POU2F1: variants seen among roughly 807,000 people sequenced by gnomAD.
The protein encoded by POU2F1 is POU class 2 homeobox 1.
A neutral mutation model predicts 84.9 loss-of-function variants in POU2F1; 16 were observed. That is an observed-to-expected ratio of 0.19 (90% CI 0.13 to 0.29). The LOEUF (loss-of-function observed/expected upper bound fraction) is 0.29, where lower values mean the gene tolerates loss of function less well. POU2F1 is among the 10% of genes least tolerant of loss of function. The probability of loss-of-function intolerance (pLI) is 1.00; values close to 1 mark genes in which losing one functional copy is unlikely to be tolerated. For missense variants in POU2F1, 738 were observed against 942.6 expected, an observed-to-expected ratio of 0.78 and a Z score of 2.84; for synonymous variants, 368 against 368.3, an observed-to-expected ratio of 1.00 and a Z score of 0.01.
chr1:167,410,081 A>C (rs1649849713), intron 13 of POU2F1, among the ~76,000 whole-genome samples: 1 of 152,238 alleles, frequency 6.6e-6, no homozygotes, highest in Non-Finnish European at 1.5e-5. Flanking sequence ...CCAAAGAAGT[A>C]ATGAACGAAA....
At chr1:167,272,493 T>TGTA (rs1652443159) in intron 1 of POU2F1, among the ~76,000 whole-genome samples, 1 of 152,034 alleles carries the variant, frequency 6.6e-6, no homozygotes. Context: ...GAGGTTTAAT[T>TGTA]GGCTCACAGT....
chr1:167,249,541 G>A (rs1253936896), intron 1 of POU2F1, among the ~76,000 whole-genome samples: 2 of 152,160 alleles, frequency 1.3e-5, no homozygotes, highest in Non-Finnish European at 2.9e-5. Flanking sequence ...GCAAGGGAGT[G>A]GAAAGTCTTG....
chr1:167,353,417 T>A (rs527386691), intron 2 of POU2F1, among the ~76,000 whole-genome samples: 27 of 152,174 alleles, frequency 1.8e-4, no homozygotes, highest in Admixed American at 1.2e-3. Flanking sequence ...TTATTTGAAT[T>A]GTCTTCTCGT....
chr1:167,252,341 G>T (rs1413461065), intron 1 of POU2F1, among the ~76,000 whole-genome samples: 1 of 152,164 alleles, frequency 6.6e-6, no homozygotes, highest in Non-Finnish European at 1.5e-5. Context: ...GACCAACAGA[G>T]AGTATATTTG....
At chr1:167,265,326 A>G (rs900139261) in intron 1 of POU2F1, among the ~76,000 whole-genome samples, 8 of 152,242 alleles carry the variant, frequency 5.3e-5, no homozygotes, top group African/African-American at 1.7e-4. Flanking sequence ...TTAACAGGAC[A>G]GTTCACAATG....
At chr1:167,247,560 T>C (rs933992737) in intron 1 of POU2F1, among the ~76,000 whole-genome samples, 3 of 152,210 alleles carry the variant, frequency 2.0e-5, no homozygotes, top group Non-Finnish European at 2.9e-5. Flanking sequence ...TTGAGCTATA[T>C]AGTACTTACT....
intron 1 of POU2F1, among the ~76,000 whole-genome samples, chr1:167,299,694 A>AG (rs562622852): frequency 3.9e-5 from 5 of 128,666 alleles, no homozygotes; most frequent in Middle Eastern, 3.8e-3. Context: ...AGGAGACCAG[A>AG]GTTTTTTTTT....
intron 1 of POU2F1, among the ~76,000 whole-genome samples, chr1:167,255,995 T>A (rs1185757757): frequency 6.6e-6 from 1 of 152,174 alleles, no homozygotes; most frequent in African/African-American, 2.4e-5. Context: ...AGTCCGTGCT[T>A]ACGGGGTGGT....
In POU2F1 at chr1:167,415,581, C is replaced by G; in HGVS notation, c.2072C>G (p.Pro691Arg). The G allele has an allele frequency of 2.5e-6, 4 of 1,614,128 alleles. No individual in the cohort carries two copies. The highest frequency in any genetic ancestry group is 3.4e-6 in the Non-Finnish European group (4 of 1,180,014). ...GTATTTGCCAATGCGGGAGGAGCCC[C>G]CAACATCGTGACTGCCCCTCTGTTC... ...NLVFANAGGAPNIVTAPLFLN... is the reference protein window; with the variant it reads ...NLVFANAGGARNIVTAPLFLN... The change falls in exon 16 of 16, where the codon CCC becomes CGC. Residue 691 changes from proline to arginine, a missense_variant. Physicochemically the swap from Pro to Arg is moderately radical, Grantham distance 103 (BLOSUM62 -2). This residue lies in a region of POU2F1 where 319 missense variants were observed against 386.0 expected (regional missense o/e 0.83). Transcript: ENST00000367866.
chr1:167,241,321 A>G (rs1481268231), intron 1 of POU2F1: 2 of 152,182 alleles, frequency 1.3e-5, no homozygotes, highest in African/African-American at 4.8e-5. Flanking sequence ...AGAGGTCTGT[A>G]GAATCTGTTT....
At chr1:167,228,415 C>T (rs1343210920) in intron 1 of POU2F1, among the ~76,000 whole-genome samples, 2 of 152,122 alleles carry the variant, frequency 1.3e-5, no homozygotes, top group Admixed American at 1.3e-4. Flanking sequence ...AATTACTTGA[C>T]CTCAAGAGAC....
At chr1:167,322,289 C>G (rs767279050) in intron 1 of POU2F1, among the ~76,000 whole-genome samples, 7 of 152,224 alleles carry the variant, frequency 4.6e-5, no homozygotes, top group African/African-American at 7.2e-5. Flanking sequence ...GCTATATGCT[C>G]TCCTGGCTCT....
intron 1 of POU2F1, among the ~76,000 whole-genome samples, chr1:167,329,916 T>TCTA (rs1656969671): frequency 6.6e-6 from 1 of 152,218 alleles, no homozygotes; most frequent in Non-Finnish European, 1.5e-5. Context: ...ATACTCTAGA[T>TCTA]AACTACAACT....
At chr1:167,223,381 T>G (rs1241922093) in intron 1 of POU2F1, among the ~76,000 whole-genome samples, 1 of 152,136 alleles carries the variant, frequency 6.6e-6, no homozygotes, top group Non-Finnish European at 1.5e-5. Context: ...GTAATTTTGA[T>G]TTTTGGTCTT....
At chr1:167,323,778 C>T (rs1048187135) in intron 1 of POU2F1, among the ~76,000 whole-genome samples, 3 of 152,094 alleles carry the variant, frequency 2.0e-5, no homozygotes, top group African/African-American at 4.8e-5. Flanking sequence ...ATGCAACCTC[C>T]GCCTCCTGGG....
intron 1 of POU2F1, among the ~76,000 whole-genome samples, chr1:167,221,163 C>G (rs1648106609): frequency 6.6e-6 from 1 of 151,162 alleles, no homozygotes; most frequent in African/African-American, 2.4e-5. Flanking sequence ...AGGGGGAAGA[C>G]AAGGGGCAAA....
At chr1:167,298,578 G>A (rs574472775) in intron 1 of POU2F1, among the ~76,000 whole-genome samples, 1 of 152,040 alleles carries the variant, frequency 6.6e-6, no homozygotes, top group East Asian at 1.9e-4. Context: ...ACTTCCCTTT[G>A]AATTTCCTGG....
At chr1:167,294,584 A>G (rs1275881912) in intron 1 of POU2F1, among the ~76,000 whole-genome samples, 2 of 152,186 alleles carry the variant, frequency 1.3e-5, no homozygotes. Context: ...GAAAAACACA[A>G]ATAATTCCAT....
intron 1 of POU2F1, among the ~76,000 whole-genome samples, chr1:167,233,664 A>G (rs1315200911): frequency 1.3e-5 from 2 of 152,224 alleles, no homozygotes; most frequent in East Asian, 1.9e-4. Flanking sequence ...ATAACTGCAC[A>G]TACAATTCTT....
Sources: allele counts gnomAD v4.1 joint callset (sites outside exome capture counted in the v4.1 genomes callset), GRCh38; gene constraint gnomAD v4.1.1; regional missense constraint gnomAD v4.1.1; transcripts MANE v1.5; gene names NCBI Gene and HGNC (gene_info 2026-07-23, HGNC 2026-07-21).